Variants in PRKCZ observed in about 807,000 individuals in gnomAD.
PRKCZ encodes protein kinase C zeta type.
PRKCZ carries 33 observed loss-of-function variants against 79.5 expected under a neutral mutation model. The ratio of observed to expected loss-of-function variants is 0.41; its 90% CI spans 0.31 to 0.55. PRKCZ has a LOEUF of 0.55. PRKCZ is among the 20% of genes least tolerant of loss of function. The pLI is 0.19. For missense variants in PRKCZ, 578 were observed against 813.5 expected (o/e 0.71, Z 3.52); for synonymous variants, 342 against 320.9 (o/e 1.07, Z -0.70).
intron 5 of PRKCZ, among the ~76,000 whole-genome samples, chr1:2,139,374 G>A (rs1676861579): frequency 6.6e-6 from 1 of 152,124 alleles, no homozygotes; most frequent in Non-Finnish European, 1.5e-5. Flanking sequence ...TGGATCACGA[G>A]GTCAGCAGTT....
chr1:2,126,936 C>T (rs772036710), intron 4 of PRKCZ, among the ~76,000 whole-genome samples: 8 of 152,230 alleles, frequency 5.3e-5, no homozygotes, highest in Non-Finnish European at 1.2e-4. Flanking sequence ...CCGGTGCCCA[C>T]AGGGCCGGGT....
rs1663668849 is a variant in PRKCZ, at chr1:2,082,197, C to T, written c.334+22606C>T. On this transcript the variant is annotated intron_variant, in intron 4 of 17. Coordinates refer to ENST00000378567, the MANE Select transcript of PRKCZ (RefSeq NM_002744.6). The surrounding 1 kb of genome is among the most constrained non-coding windows in gnomAD (Gnocchi z 4.4). ...TCTTTGCAGCCCTTGGCAGCGTCGCCCGCTCTGTCCCGCCTGTTGTGTGCG... is the reference window on the plus strand; with the variant it reads ...TCTTTGCAGCCCTTGGCAGCGTCGCTCGCTCTGTCCCGCCTGTTGTGTGCG... 1.1e-5 allele frequency: 4 copies of T among 350,954 alleles called. No individual in the cohort carries two copies. The highest frequency in any genetic ancestry group is 4.1e-5 in the Admixed American group (1 of 24,684). 21.7% of individuals were successfully genotyped at this position (350,954 alleles called of 1,614,324 possible). A position where few individuals can be genotyped will look rare whatever the true frequency, so the allele number is the denominator to read the frequency against.
chr1:2,073,525 G>A, intron 4 of PRKCZ: 1 of 710,582 alleles, frequency 1.4e-6, no homozygotes, highest in Non-Finnish European at 1.7e-6. Flanking sequence ...GCATTTTCAA[G>A]GTCCGCTGAG....
At chr1:2,124,656 T>C (rs1193100224) in intron 4 of PRKCZ, among the ~76,000 whole-genome samples, 1 of 152,174 alleles carries the variant, frequency 6.6e-6, no homozygotes, top group Non-Finnish European at 1.5e-5. Flanking sequence ...GGTATTTTGC[T>C]GTGGTGGCTG....
At chr1:2,090,549 G>A (rs955997314) in intron 4 of PRKCZ, among the ~76,000 whole-genome samples, 7 of 152,150 alleles carry the variant, frequency 4.6e-5, no homozygotes, top group Admixed American at 2.6e-4. Flanking sequence ...AGTCTGCCCC[G>A]GTCCCTGGGG....
rs12077989 is a variant in PRKCZ at position 2,106,796 on chromosome 1, T to C, written c.335-28466T>C. On this transcript the variant is annotated intron_variant, in intron 4 of 17. Coordinates refer to ENST00000378567, the MANE Select transcript of PRKCZ (RefSeq NM_002744.6). ...CCTCCACACGTGTCACCAGGCCAGG[T>C]GACTCTTCAGCAGGCCCCTCTGGTG... 4.8e-4 allele frequency among the ~76,000 whole-genome samples: 58 copies of C among 120,004 alleles called. 1 individual carries two copies. Among genetic ancestry groups the C allele is most frequent in the Middle Eastern group, 4.5e-3 (1 of 222 alleles). The allele number at this position is 120,004 out of a possible 152,430, so 78.7% of individuals were successfully genotyped here. A position where few individuals can be genotyped will look rare whatever the true frequency, so the allele number is the denominator to read the frequency against.
chr1:2,163,732 TA>T, intron 10 of PRKCZ, among the ~76,000 whole-genome samples: 1 of 121,904 alleles, frequency 8.2e-6, no homozygotes, highest in East Asian at 2.2e-4. Flanking sequence ...CTACTAAAAA[TA>T]CAAAAAAAAA....
At chr1:2,114,885 C>G (rs1475741933) in intron 4 of PRKCZ, among the ~76,000 whole-genome samples, 4 of 152,248 alleles carry the variant, frequency 2.6e-5, no homozygotes, top group Non-Finnish European at 5.9e-5. Flanking sequence ...TGCCTCCATT[C>G]TCTGATTTCT....
rs567234840 is a variant in PRKCZ, at chr1:2,110,293, G to A, written c.335-24969G>A. On this transcript the variant is annotated intron_variant, in intron 4 of 17. Transcript: ENST00000378567. ...GATCCCAGAGGTGAGAAACAGAACGGCCAGGGCTGAATCTGCCTCCAGCGG... is the reference window on the plus strand; with the variant it reads ...GATCCCAGAGGTGAGAAACAGAACGACCAGGGCTGAATCTGCCTCCAGCGG... Among the ~76,000 whole-genome samples, 9 of 152,346 alleles carry A rather than the reference G, an allele frequency of 5.9e-5. No homozygotes were observed. In the East Asian group the frequency reaches 1.7e-3, roughly 29 times the overall value.
chr1:2,137,979 C>A (rs1346368738), intron 5 of PRKCZ, among the ~76,000 whole-genome samples: 1 of 152,238 alleles, frequency 6.6e-6, no homozygotes, highest in Non-Finnish European at 1.5e-5. Flanking sequence ...GGCTGCCCTG[C>A]AGTTCAGCCT....
rs1440762635 is a variant in PRKCZ at position 2,150,948 on chromosome 1, G to A, written c.846G>A (p.Val282=). ...KKNDQIYAMK[V]VKKELVHDDE... ...ATGACCAAATTTACGCCATGAAAGT[G>A]GTGAAGAAAGAGCTGGTGCATGATG... The change falls in exon 9 of 18, where the codon GTG becomes GTA. Residue 282 remains valine, a synonymous_variant. Coordinates refer to ENST00000378567, the MANE Select transcript of PRKCZ (RefSeq NM_002744.6). 6.2e-7 allele frequency: 1 copy of A among 1,614,032 alleles called. No individual in the cohort carries two copies. The highest frequency in any genetic ancestry group is 8.5e-7 in the Non-Finnish European group (1 of 1,180,036).
intron 4 of PRKCZ, among the ~76,000 whole-genome samples, chr1:2,096,355 G>A (rs541003610): frequency 3.9e-5 from 6 of 152,028 alleles, no homozygotes; most frequent in South Asian, 2.1e-4. Flanking sequence ...AGGCCCAGCC[G>A]CCAGGCAGCT....
intron 4 of PRKCZ, among the ~76,000 whole-genome samples, chr1:2,072,571 G>A (rs533222716): frequency 2.6e-5 from 4 of 152,356 alleles, no homozygotes; most frequent in Middle Eastern, 3.4e-3. Flanking sequence ...CTGGGGTGCA[G>A]GGGCTGTCCC....
At chr1:2,080,535 C>T (rs984366646) in intron 4 of PRKCZ, among the ~76,000 whole-genome samples, 2 of 152,158 alleles carry the variant, frequency 1.3e-5, no homozygotes, top group African/African-American at 2.4e-5. Flanking sequence ...GTCACCCCCT[C>T]GTTCAGTGGG....
Position 2,135,216 on chromosome 1 carries a change from G to A in PRKCZ, c.335-46G>A, listed in dbSNP as rs190605440. ...TCGCAGCTGCACCCTGCGTGGGCTC[G>A]TGGCTGCCACGCTGTTTCTTTACAC... On this transcript the variant is annotated intron_variant, in intron 4 of 17. Coordinates refer to ENST00000378567, the MANE Select transcript of PRKCZ (RefSeq NM_002744.6). The A allele has an allele frequency of 2.6e-5, 40 of 1,539,350 alleles. 1 individual carries two copies. The highest frequency in any genetic ancestry group is 5.5e-5 in the African/African-American group (4 of 73,246).
intron 4 of PRKCZ, 67 bp from the exon 5 acceptor site, chr1:2,135,195 A>G: frequency 7.1e-7 from 1 of 1,414,928 alleles, no homozygotes; most frequent in Non-Finnish European, 9.9e-7. Context: ...GGCCTGTCGC[A>G]GCTGCACCCT....
intron 4 of PRKCZ, among the ~76,000 whole-genome samples, chr1:2,070,108 A>G (rs1571151912): frequency 6.6e-6 from 1 of 152,118 alleles, no homozygotes; most frequent in Non-Finnish European, 1.5e-5. Flanking sequence ...CGCAGACCCC[A>G]CTTAGCAGCT....
intron 4 of PRKCZ, among the ~76,000 whole-genome samples, chr1:2,106,699 CCGG>C (rs1159791509): frequency 4.6e-5 from 6 of 130,932 alleles, no homozygotes; most frequent in Admixed American, 1.5e-4. Context: ...GCAAGCCCCT[CCGG>C]TGGGCGAGGA....
Position 2,174,649 on chromosome 1 carries a change from C to A in PRKCZ, c.1406-105C>A. 1 of 1,255,968 alleles carries A rather than the reference C, an allele frequency of 8.0e-7. No homozygotes were observed. Among genetic ancestry groups the A allele is most frequent in the Non-Finnish European group, 1.1e-6 (1 of 885,976 alleles). 77.8% of individuals were successfully genotyped at this position (1,255,968 alleles called of 1,614,324 possible). ...TGTAGGAAGGGAGGGGCTCCGGGGC[C>A]CCAAGGCTGAGCTCCCAAAGCTCTT... On this transcript the variant is annotated intron_variant, in intron 14 of 17. Coordinates refer to ENST00000378567, the MANE Select transcript of PRKCZ (RefSeq NM_002744.6). The surrounding 1 kb of genome is among the most constrained non-coding windows in gnomAD (Gnocchi z 6.2).
Sources: allele counts gnomAD v4.1 joint callset (sites outside exome capture counted in the v4.1 genomes callset), GRCh38; gene constraint gnomAD v4.1.1; non-coding constraint Gnocchi (gnomAD v3.1); transcripts MANE v1.5; gene names NCBI Gene and HGNC (gene_info 2026-07-23, HGNC 2026-07-21).